The following ERBB4 variants were observed in gnomAD, a reference collection of about 807,000 sequenced individuals.
ERBB4 encodes receptor tyrosine-protein kinase erbB-4.
ERBB4 carries 42 observed loss-of-function variants against 158.0 expected under a neutral mutation model. That is an observed-to-expected ratio of 0.27 (90% CI 0.21 to 0.34). ERBB4 has a LOEUF of 0.34. Ranked by LOEUF, ERBB4 falls within the 10% of genes least tolerant of loss-of-function variation. The pLI, the probability that ERBB4 is intolerant of heterozygous loss-of-function variation, is 1.00. For synonymous variants in ERBB4, 583 were observed against 558.7 expected (o/e 1.04, Z -0.61); for missense variants, 1,333 against 1,624.1 (o/e 0.82, Z 3.08).
intron 1 of ERBB4, among the ~76,000 whole-genome samples, chr2:212,146,345 GT>G (rs2125617163): frequency 1.3e-5 from 2 of 152,268 alleles, no homozygotes; most frequent in East Asian, 3.9e-4. Context: ...ATGTCACCCT[GT>G]TTTCAGCCTC....
chr2:212,221,825 C>G (rs1005898515), intron 1 of ERBB4, among the ~76,000 whole-genome samples: 1 of 151,428 alleles, frequency 6.6e-6, no homozygotes, highest in African/African-American at 2.4e-5. Flanking sequence ...AGCACCAACA[C>G]TATAATTATA....
At chr2:211,519,586 G>A (rs570318952) in intron 20 of ERBB4, among the ~76,000 whole-genome samples, 50 of 152,032 alleles carry the variant, frequency 3.3e-4, no homozygotes, top group South Asian at 8.3e-4. Context: ...CAGGACTAAA[G>A]GATATGTAGA....
rs370155283 is a variant in ERBB4, at chr2:212,043,972, T to C, written c.234+80780A>G. 4.3e-4 allele frequency among the ~76,000 whole-genome samples: 65 copies of C among 152,252 alleles called. No individual in the cohort carries two copies. In the East Asian group the frequency reaches 9.8e-3, roughly 23 times the overall value. ...TTAGCTTAAAGGTTATTTTTCTTTATGTTCTTTGGAAAACACGTCATACAA... is the reference window on the plus strand; with the variant it reads ...TTAGCTTAAAGGTTATTTTTCTTTACGTTCTTTGGAAAACACGTCATACAA... On this transcript the variant is annotated intron_variant, in intron 2 of 27. Coordinates refer to ENST00000342788, the MANE Select transcript of ERBB4 (RefSeq NM_005235.3).
intron 1 of ERBB4, among the ~76,000 whole-genome samples, chr2:212,365,160 A>G (rs1411136359): frequency 1.3e-5 from 2 of 151,708 alleles, no homozygotes; most frequent in Non-Finnish European, 2.9e-5. Context: ...TTAGGAACAC[A>G]AAATAAGGTT....
At chr2:212,480,873 G>T (rs1438983449) in intron 1 of ERBB4, among the ~76,000 whole-genome samples, 1 of 152,156 alleles carries the variant, frequency 6.6e-6, no homozygotes, top group Non-Finnish European at 1.5e-5. Context: ...TGTGCTATTT[G>T]CTGGAAGGAA....
chr2:212,404,642 G>A (rs1033712996), intron 1 of ERBB4, among the ~76,000 whole-genome samples: 2 of 152,060 alleles, frequency 1.3e-5, no homozygotes, highest in Admixed American at 6.6e-5. Flanking sequence ...TTTGTTGTAG[G>A]GGGATTTTTT....
At chr2:212,420,475 A>G (rs745643413) in intron 1 of ERBB4, among the ~76,000 whole-genome samples, 3 of 152,164 alleles carry the variant, frequency 2.0e-5, no homozygotes, top group Admixed American at 6.6e-5. Flanking sequence ...CAGTTATTAT[A>G]CTTACCTCTT....
chr2:212,490,067 G>A (rs1351608644), intron 1 of ERBB4, among the ~76,000 whole-genome samples: 1 of 151,858 alleles, frequency 6.6e-6, no homozygotes, highest in Admixed American at 6.6e-5. Context: ...TACCTAGAAT[G>A]ATCTGGGCTA....
intron 1 of ERBB4, among the ~76,000 whole-genome samples, chr2:212,172,675 A>G (rs2081553062): frequency 6.6e-6 from 1 of 152,132 alleles, no homozygotes; most frequent in South Asian, 2.1e-4. Flanking sequence ...GCAAATTAAT[A>G]CAGGAACTGA....
intron 1 of ERBB4, among the ~76,000 whole-genome samples, chr2:212,157,907 C>CT (rs2081089975): frequency 6.6e-6 from 1 of 152,052 alleles, no homozygotes; most frequent in South Asian, 2.1e-4. Context: ...TCTTAACAGT[C>CT]TTGACACTGT....
chr2:211,420,481 G>A lies in ERBB4; in HGVS notation c.3095C>T (p.Pro1032Leu). 6.2e-7 allele frequency: 1 copy of A among 1,612,380 alleles called. No homozygotes were observed. The highest frequency in any genetic ancestry group is 8.5e-7 in the Non-Finnish European group (1 of 1,178,758). Reference protein sequence around the residue: ...YLVPQAFNIPPPIYTSRARID... With the variant: ...YLVPQAFNIPLPIYTSRARID... ...TCTTGCTCTGGAAGTATAGATGGGA[G>A]GTGGGATGTTGAAAGCCTGAGGGAC... The change falls in exon 25 of 28, where the codon CCT (proline) becomes CTT (leucine). Residue 1032 changes from proline (P) to leucine (L), a missense_variant. Transcript: ENST00000342788.
At chr2:212,489,482 G>A (rs543952846) in intron 1 of ERBB4, among the ~76,000 whole-genome samples, 16 of 151,900 alleles carry the variant, frequency 1.1e-4, no homozygotes, top group African/African-American at 3.6e-4. Context: ...ACATTCCATG[G>A]GATATTCTTC....
At chr2:211,745,324 T>C (rs1194697330) in intron 5 of ERBB4, among the ~76,000 whole-genome samples, 1 of 152,206 alleles carries the variant, frequency 6.6e-6, no homozygotes, top group Admixed American at 6.5e-5. Context: ...AAGTATATTT[T>C]TGAGTAGTTC....
rs529783571 is a variant in ERBB4, at chr2:212,040,769, G to A, written c.234+83983C>T. Among the ~76,000 whole-genome samples the A allele has an allele frequency of 4.6e-5, 7 of 152,230 alleles. No individual in the cohort carries two copies. The East Asian group carries it at 1.4e-3, about 29-fold the overall frequency. On this transcript the variant is annotated intron_variant, in intron 2 of 27. Coordinates refer to ENST00000342788, the MANE Select transcript of ERBB4 (RefSeq NM_005235.3). ...GCTGTTTGTGACCTGCTCTAAGACT[G>A]TGGTCTTTTCTCCTTGGGCTCTGCT...
chr2:212,446,609 A>ATATATATATATG (rs2092359244), intron 1 of ERBB4, among the ~76,000 whole-genome samples: 1 of 45,520 alleles, frequency 2.2e-5, no homozygotes. Context: ...ATATATATAT[A>ATATATATATATG]TATATATATA....
intron 1 of ERBB4, among the ~76,000 whole-genome samples, chr2:212,232,934 C>T (rs2083719935): frequency 6.6e-6 from 1 of 152,032 alleles, no homozygotes; most frequent in Non-Finnish European, 1.5e-5. Flanking sequence ...TCAAAAGCAA[C>T]AAAAGTTAAA....
At chr2:211,737,725 G>A (rs2074648325) in intron 5 of ERBB4, among the ~76,000 whole-genome samples, 1 of 152,126 alleles carries the variant, frequency 6.6e-6, no homozygotes, top group South Asian at 2.1e-4. Context: ...TTGGAATAGT[G>A]CCTAACATGC....
chr2:212,004,709 C>G (rs923050432), intron 2 of ERBB4, among the ~76,000 whole-genome samples: 3 of 152,106 alleles, frequency 2.0e-5, no homozygotes, highest in Non-Finnish European at 4.4e-5. Flanking sequence ...TATCACACTA[C>G]AGAGAGGTAT....
intron 1 of ERBB4, among the ~76,000 whole-genome samples, chr2:212,222,706 T>C (rs191681990): frequency 3.4e-4 from 51 of 151,590 alleles, no homozygotes; most frequent in African/African-American, 1.2e-3. Context: ...CTTGAACTAA[T>C]TTGAATTTTC....
Sources: allele counts gnomAD v4.1 joint callset (sites outside exome capture counted in the v4.1 genomes callset), GRCh38; gene constraint gnomAD v4.1.1; transcripts MANE v1.5; gene names NCBI Gene and HGNC (gene_info 2026-07-23, HGNC 2026-07-21).